PRORP: variants seen among roughly 807,000 people sequenced by gnomAD.
PRORP encodes the protein protein only RNase P catalytic subunit.
PRORP carries 51 observed loss-of-function variants against 59.4 expected under a neutral mutation model. That is an observed-to-expected ratio of 0.86 (90% CI 0.69 to 1.08). The LOEUF (loss-of-function observed/expected upper bound fraction) is 1.08. Ranked by LOEUF, PRORP falls within the 50% of genes least tolerant of loss-of-function variation. PRORP has a pLI of 0.00. For synonymous variants in PRORP, 231 were observed against 245.6 expected (o/e 0.94, Z 0.55); for missense variants, 646 against 690.3 (o/e 0.94, Z 0.72).
chr14:35,228,529 C>G (rs2049994573), intron 5 of PRORP, among the ~76,000 whole-genome samples: 1 of 152,208 alleles, frequency 6.6e-6, no homozygotes, highest in Admixed American at 6.5e-5. Flanking sequence ...CAATGTTTAT[C>G]TCATACTTGT....
intron 4 of PRORP, among the ~76,000 whole-genome samples, chr14:35,135,483 A>G (rs1370759348): frequency 2.0e-5 from 3 of 152,266 alleles, no homozygotes; most frequent in African/African-American, 7.2e-5. Flanking sequence ...CTTAACAGAA[A>G]AAAATTGCTG....
At chr14:35,213,554 C>T (rs1406274422) in intron 5 of PRORP, among the ~76,000 whole-genome samples, 1 of 152,192 alleles carries the variant, frequency 6.6e-6, no homozygotes, top group African/African-American at 2.4e-5. Flanking sequence ...CACTAATCAT[C>T]TGTAGATTTT....
intron 4 of PRORP, among the ~76,000 whole-genome samples, chr14:35,165,294 A>G (rs1337235982): frequency 6.6e-6 from 1 of 151,540 alleles, no homozygotes; most frequent in African/African-American, 2.4e-5. Context: ...GTCCAGCTTG[A>G]TTTCTGTTGC....
chr14:35,267,295 T>A (rs560685415), intron 6 of PRORP, among the ~76,000 whole-genome samples: 35 of 152,260 alleles, frequency 2.3e-4, no homozygotes, highest in Admixed American at 1.4e-3. Flanking sequence ...AACAAACAGG[T>A]AATGTCATTC....
At chr14:35,138,759 T>TAAA (rs1021632012) in intron 4 of PRORP, among the ~76,000 whole-genome samples, 1 of 144,208 alleles carries the variant, frequency 6.9e-6, no homozygotes, top group African/African-American at 2.4e-5. Flanking sequence ...GGGAAGTGTT[T>TAAA]AAAACTGCTA....
intron 6 of PRORP, 110 bp from the exon 7 acceptor site, chr14:35,270,290 TC>T (rs2051151703): frequency 2.0e-6 from 2 of 981,902 alleles, no homozygotes; most frequent in South Asian, 3.2e-5. Context: ...ATCATGTTGG[TC>T]AAGAAATCAG....
At chr14:35,177,407 G>A (rs548399823) in intron 4 of PRORP, among the ~76,000 whole-genome samples, 205 of 152,172 alleles carry the variant, frequency 1.3e-3, no homozygotes, top group African/African-American at 4.7e-3. Flanking sequence ...ATTAATTATT[G>A]CCTCAATTTC....
At chr14:35,147,699 C>T (rs1473400578) in intron 4 of PRORP, among the ~76,000 whole-genome samples, 1 of 152,214 alleles carries the variant, frequency 6.6e-6, no homozygotes, top group Non-Finnish European at 1.5e-5. Context: ...CTTCTTATCA[C>T]AAAATATTTT....
chr14:35,243,868 A>G (rs1490634802), intron 5 of PRORP, among the ~76,000 whole-genome samples: 1 of 152,216 alleles, frequency 6.6e-6, no homozygotes, highest in African/African-American at 2.4e-5. Context: ...TACTTTTGAC[A>G]TATCATAATT....
chr14:35,262,900 G>T, intron 5 of PRORP: 1 of 1,562,426 alleles, frequency 6.4e-7, no homozygotes, highest in Non-Finnish European at 8.8e-7. Flanking sequence ...ATCCTTGAAG[G>T]TAATGACATT....
chr14:35,135,680 C>T (rs555765283), intron 4 of PRORP, among the ~76,000 whole-genome samples: 2 of 152,202 alleles, frequency 1.3e-5, no homozygotes, highest in Admixed American at 1.3e-4. Context: ...TTTAAGCAGG[C>T]CGGGCATAGT....
rs549030797 is a variant in PRORP at position 35,179,735 on chromosome 14, A to G, written c.1168-935A>G. ...GATCGTCTGAAGCCTTCTTCTCTCA[A>G]CTCATCAAAGTCATCGCAAAGCTTT... On this transcript the variant is annotated intron_variant, in intron 4 of 7. Transcript: ENST00000534898. Among the ~76,000 whole-genome samples, 179 of 152,190 alleles carry G rather than the reference A, an allele frequency of 1.2e-3. 1 individual carries two copies. The South Asian group carries it at 0.013, about 11-fold the overall frequency.
At chr14:35,249,849 A>G (rs2050570475) in intron 5 of PRORP, among the ~76,000 whole-genome samples, 1 of 152,214 alleles carries the variant, frequency 6.6e-6, no homozygotes, top group Non-Finnish European at 1.5e-5. Flanking sequence ...CTCTTCTTTC[A>G]AAGTTCAGGC....
chr14:35,158,987 A>T, intron 4 of PRORP: 1 of 354,184 alleles, frequency 2.8e-6, no homozygotes, highest in Non-Finnish European at 5.4e-6. Context: ...AGATTGGCAA[A>T]TCCCACACAT....
At chr14:35,159,560 T>C (rs182901395) in intron 4 of PRORP, among the ~76,000 whole-genome samples, 4 of 152,318 alleles carry the variant, frequency 2.6e-5, no homozygotes, top group African/African-American at 9.6e-5. Context: ...TCAACCAGAT[T>C]AGAAACTCTG....
Position 35,236,762 on chromosome 14 carries a change from T to A in PRORP, c.1276-29965T>A, listed in dbSNP as rs79689560. Among the ~76,000 whole-genome samples the A allele has an allele frequency of 5.1e-4, 78 of 152,308 alleles. 1 individual carries two copies. The highest frequency in any genetic ancestry group is 1.9e-3 in the African/African-American group (77 of 41,564). The stretch of plus-strand genomic sequence containing the variant: ...TGTTCTCTGATGTTCTATCTCTGCA[T>A]CTTTACCTTAGACAGGTACTTGAAA... On this transcript the variant is annotated intron_variant, in intron 5 of 7. Coordinates refer to ENST00000534898, the MANE Select transcript of PRORP (RefSeq NM_014672.4).
intron 4 of PRORP, among the ~76,000 whole-genome samples, chr14:35,143,116 A>G (rs908898839): frequency 2.1e-5 from 3 of 145,956 alleles, no homozygotes; most frequent in African/African-American, 7.3e-5. Context: ...ACCCTTTTAC[A>G]TATTTAAACA....
At chr14:35,187,106 T>C (rs547328374) in intron 5 of PRORP, among the ~76,000 whole-genome samples, 11 of 152,350 alleles carry the variant, frequency 7.2e-5, no homozygotes, top group African/African-American at 2.6e-4. Flanking sequence ...TTATGAGTAA[T>C]GCTACTATGA....
chr14:35,266,104 G>A (rs2051031964), intron 5 of PRORP, among the ~76,000 whole-genome samples: 1 of 151,878 alleles, frequency 6.6e-6, no homozygotes, highest in East Asian at 1.9e-4. Flanking sequence ...GGTCACCTGA[G>A]GTCAGGAGTT....
Sources: allele counts gnomAD v4.1 joint callset (sites outside exome capture counted in the v4.1 genomes callset), GRCh38; gene constraint gnomAD v4.1.1; transcripts MANE v1.5; gene names NCBI Gene and HGNC (gene_info 2026-07-23, HGNC 2026-07-21).